The following CAPN8 variants were observed in gnomAD, a reference collection of about 807,000 sequenced individuals.
The protein encoded by CAPN8 is calpain 8.
A neutral mutation model predicts 80.9 loss-of-function variants in CAPN8; 87 were observed. The ratio of observed to expected loss-of-function variants is 1.07; its 90% CI spans 0.90 to 1.28. The LOEUF (loss-of-function observed/expected upper bound fraction) is 1.28, where lower values mean the gene tolerates loss of function less well. Among genes scored for constraint, CAPN8 ranks in the 50% most tolerant of loss-of-function variants. The pLI is 0.00. For missense variants in CAPN8, 757 were observed against 702.0 expected (o/e 1.08, Z -0.89); for synonymous variants, 299 against 273.8 (o/e 1.09, Z -0.91).
intron 2 of CAPN8, among the ~76,000 whole-genome samples, chr1:223,650,166 G>A (rs984860591): frequency 6.6e-6 from 1 of 152,192 alleles, no homozygotes; most frequent in Non-Finnish European, 1.5e-5. Flanking sequence ...TAGGAGAGGG[G>A]GAAAGATGCC....
intron 1 of CAPN8, among the ~76,000 whole-genome samples, chr1:223,656,115 G>C (rs1658478021): frequency 6.6e-6 from 1 of 152,024 alleles, no homozygotes; most frequent in South Asian, 2.1e-4. Context: ...TAAGGTGCTG[G>C]CTCCTGCTGA....
chr1:223,633,672 A>C (rs1279667365), intron 2 of CAPN8, among the ~76,000 whole-genome samples: 1 of 152,210 alleles, frequency 6.6e-6, no homozygotes, highest in Non-Finnish European at 1.5e-5. Flanking sequence ...AAAAAGAAAA[A>C]AAATAAAATA....
In CAPN8 at chr1:223,665,418, G is replaced by A. The variant is rs373883999; in HGVS notation, c.229C>T (p.Arg77Trp). ...CAAGCCCGCTTCCTTACCGTGGGCC[G>A]CTTCCAGATGATGCCTTGAGTTTGC... ...SPQTQGIIWK[R>W]PTELCPSPQF... The change falls in exon 1 of 21, where the codon CGG (arginine) becomes TGG (tryptophan). Residue 77 changes from arginine (R) to tryptophan (W), a missense_variant. By Grantham distance (101) the Arg-to-Trp change is moderately radical. Coordinates refer to ENST00000366872, the MANE Select transcript of CAPN8 (RefSeq NM_001143962.2). 1.0e-4 allele frequency: 156 copies of A among 1,550,812 alleles called. No homozygotes were observed. The highest frequency in any genetic ancestry group is 1.2e-4 in the South Asian group (10 of 84,026).
At chr1:223,650,469 C>T (rs1225689374) in intron 2 of CAPN8, among the ~76,000 whole-genome samples, 2 of 152,206 alleles carry the variant, frequency 1.3e-5, no homozygotes, top group Non-Finnish European at 1.5e-5. Context: ...CATAACATCA[C>T]AGTCCTTTTC....
chr1:223,544,644 G>C (rs1218473674), intron 18 of CAPN8, 128 bp downstream of exon 18: 8 of 1,317,692 alleles, frequency 6.1e-6, no homozygotes, highest in Non-Finnish European at 5.2e-6. Flanking sequence ...ACAAAGCTCT[G>C]TTGTTGCCTT....
At chr1:223,645,057 G>A (rs1412598451) in intron 2 of CAPN8, among the ~76,000 whole-genome samples, 2 of 152,200 alleles carry the variant, frequency 1.3e-5, no homozygotes, top group Non-Finnish European at 2.9e-5. Context: ...CAAAAGCAGG[G>A]AAGCCAACAG....
chr1:223,629,414 T>C (rs1335724983), intron 2 of CAPN8, among the ~76,000 whole-genome samples: 1 of 152,140 alleles, frequency 6.6e-6, no homozygotes, highest in Admixed American at 6.5e-5. Context: ...GAAATAAAAG[T>C]CAAGAGAGGT....
chr1:223,664,057 T>C (rs548887589), intron 1 of CAPN8, among the ~76,000 whole-genome samples: 1 of 152,216 alleles, frequency 6.6e-6, no homozygotes, highest in East Asian at 1.9e-4. Flanking sequence ...AGCTCAATTC[T>C]CACAACCACT....
chr1:223,615,129 A>G (rs1657133428), intron 10 of CAPN8, among the ~76,000 whole-genome samples: 1 of 152,142 alleles, frequency 6.6e-6, no homozygotes, highest in Admixed American at 6.5e-5. Context: ...TCTTATTACA[A>G]TATTTTTTTC....
chr1:223,557,797 G>A (rs1656939045), intron 13 of CAPN8, among the ~76,000 whole-genome samples: 1 of 152,190 alleles, frequency 6.6e-6, no homozygotes, highest in Admixed American at 6.5e-5. Context: ...CAATCCAAGA[G>A]CAGGACACTG....
chr1:223,555,466 A>C (rs1268542796), intron 13 of CAPN8, among the ~76,000 whole-genome samples: 2 of 152,242 alleles, frequency 1.3e-5, no homozygotes, highest in African/African-American at 4.8e-5. Flanking sequence ...TAATCTAAAA[A>C]TACATCTAGA....
At chr1:223,629,243 G>A (rs1389132348) in intron 2 of CAPN8, among the ~76,000 whole-genome samples, 1 of 79,800 alleles carries the variant, frequency 1.3e-5, no homozygotes, top group Non-Finnish European at 2.9e-5. Flanking sequence ...TATGTTCCTT[G>A]CCCCTCCTGA....
At chr1:223,648,222 G>A (rs906382489) in intron 2 of CAPN8, among the ~76,000 whole-genome samples, 1 of 152,198 alleles carries the variant, frequency 6.6e-6, no homozygotes, top group East Asian at 1.9e-4. Flanking sequence ...GCGCCGATGC[G>A]CCGCGGAGTA....
At chr1:223,613,776 A>G (rs1167728455) in intron 10 of CAPN8, among the ~76,000 whole-genome samples, 1 of 152,212 alleles carries the variant, frequency 6.6e-6, no homozygotes, top group Non-Finnish European at 1.5e-5. Flanking sequence ...TCCAAACTCC[A>G]GTTAAAGCAA....
At chr1:223,625,936 G>A in intron 5 of CAPN8, 48 bp from the exon 6 acceptor site, 17 of 1,465,944 alleles carry the variant, frequency 1.2e-5, no homozygotes, top group Non-Finnish European at 1.5e-5. Flanking sequence ...GACCTCTCAG[G>A]GGCCGGCCGT....
chr1:223,653,466 C>CG (rs1270955523), intron 2 of CAPN8, among the ~76,000 whole-genome samples: 2 of 151,728 alleles, frequency 1.3e-5, no homozygotes, highest in Non-Finnish European at 2.9e-5. Flanking sequence ...AAAAAAGTGG[C>CG]GGGGGGTGGT....
At chr1:223,628,621 T>G (rs1397386728) in intron 3 of CAPN8, 41 bp downstream of exon 3, 1 of 1,480,304 alleles carries the variant, frequency 6.8e-7, no homozygotes, top group South Asian at 1.2e-5. Flanking sequence ...GCCCTAAGAA[T>G]ACGGAAAACA....
At chr1:223,637,620 C>T (rs1324324528) in intron 2 of CAPN8, among the ~76,000 whole-genome samples, 2 of 152,156 alleles carry the variant, frequency 1.3e-5, no homozygotes, top group Non-Finnish European at 2.9e-5. Flanking sequence ...GCCTCCAACC[C>T]TCCTGGAGTT....
intron 20 of CAPN8, 65 bp downstream of exon 20, chr1:223,543,043 G>T (rs1656510850): frequency 6.5e-7 from 1 of 1,532,196 alleles, no homozygotes; most frequent in African/African-American, 1.4e-5. Context: ...TCACTTGGCA[G>T]CTACATGGTC....
Sources: gnomAD v4.1 joint callset for allele counts (sites outside exome capture counted in the v4.1 genomes callset) on GRCh38, gnomAD v4.1.1 for gene constraint, MANE v1.5 for transcripts, NCBI Gene and HGNC (gene_info 2026-07-23, HGNC 2026-07-21) for gene names.